The following IFI16 variants were observed in gnomAD, a reference collection of about 807,000 sequenced individuals.
IFI16 encodes interferon gamma inducible protein 16.
Under a neutral mutation model 68.4 loss-of-function variants are expected in IFI16, and 49 were observed. The observed-to-expected ratio is 0.72, with a 90% CI of 0.57 to 0.91. IFI16 has a LOEUF of 0.91. Among genes scored for constraint, IFI16 ranks in the 40% least tolerant of loss-of-function variants. IFI16 has a pLI of 0.00. For synonymous variants in IFI16, 307 were observed against 315.0 expected, an observed-to-expected ratio of 0.97 and a Z score of 0.27; for missense variants, 878 against 942.9, an observed-to-expected ratio of 0.93 and a Z score of 0.90.
chr1:159,029,337 A>G (rs1470556716), intron 6 of IFI16, among the ~76,000 whole-genome samples: 1 of 152,232 alleles, frequency 6.6e-6, no homozygotes, highest in Admixed American at 6.5e-5. Flanking sequence ...TCTAGCTTGT[A>G]GGATTTCTGT....
Position 159,051,776 on chromosome 1 carries a change from C to G in IFI16, c.1763C>G (p.Ser588Ter). The change falls in exon 10 of 12, where the codon TCA becomes TGA. Residue 588 changes from serine to a stop codon, truncating the protein, a stop_gained. Transcript: ENST00000295809. LOFTEE classifies it high-confidence loss of function. ...KEVMVLNATE[S>*]FVYEPKEQKK... Reference sequence around the variant, plus strand: ...GTGATGGTGCTGAACGCAACAGAATCATTTGTATATGAGCCCAAAGAGCAG... The same window carrying G: ...GTGATGGTGCTGAACGCAACAGAATGATTTGTATATGAGCCCAAAGAGCAG... 1 of 1,614,060 alleles carries G rather than the reference C, an allele frequency of 6.2e-7. No homozygotes were observed. The highest frequency in any genetic ancestry group is 8.5e-7 in the Non-Finnish European group (1 of 1,179,918).
At chr1:159,013,977 A>C (rs1159361858) in intron 1 of IFI16, among the ~76,000 whole-genome samples, 1 of 126,698 alleles carries the variant, frequency 7.9e-6, no homozygotes, top group African/African-American at 3.0e-5. Flanking sequence ...AAATAATTAG[A>C]CAAATCAAGT....
rs762178085 is a variant in IFI16, at chr1:159,051,918, T to G, written c.1905T>G (p.Tyr635Ter). Reference protein sequence around the residue: ...TPKKIIAIANYVCRNGFLEVY... With the variant: ...TPKKIIAIAN ...AGAAGATCATTGCCATAGCAAATTATGTTTGCCGCAATGGGTTCCTGGAGG... is the reference window on the plus strand; with the variant it reads ...AGAAGATCATTGCCATAGCAAATTAGGTTTGCCGCAATGGGTTCCTGGAGG... The change falls in exon 10 of 12, where the codon TAT becomes TAG. Residue 635 changes from tyrosine (Y) to a stop codon, truncating the protein, a stop_gained. Transcript: ENST00000295809. LOFTEE classifies it high-confidence loss of function. 5.6e-6 allele frequency: 9 copies of G among 1,614,128 alleles called. No homozygotes were observed. In the South Asian group the frequency reaches 9.9e-5, roughly 18 times the overall value.
chr1:159,022,451 T>C (rs1210255160), intron 6 of IFI16, among the ~76,000 whole-genome samples: 1 of 152,236 alleles, frequency 6.6e-6, no homozygotes, highest in Non-Finnish European at 1.5e-5. Context: ...GGCTCATTTA[T>C]AATCTGACGC....
intron 6 of IFI16, among the ~76,000 whole-genome samples, chr1:159,029,663 T>C (rs1230406662): frequency 1.3e-5 from 2 of 149,750 alleles, no homozygotes; most frequent in African/African-American, 2.4e-5. Context: ...CCCAAACTTC[T>C]TGGAGGCTTT....
intron 2 of IFI16, 47 bp downstream of exon 2, chr1:159,014,992 C>A (rs758134813): frequency 2.0e-6 from 3 of 1,515,152 alleles, no homozygotes; most frequent in Non-Finnish European, 2.7e-6. Context: ...ATCCCCAAAC[C>A]CTCCCCAACA....
At chr1:159,005,404 T>A (rs1440655510), upstream of IFI16, among the ~76,000 whole-genome samples, 1 of 152,208 alleles carries the variant, frequency 6.6e-6, no homozygotes, top group Non-Finnish European at 1.5e-5. Context: ...AACTCTGGCC[T>A]TGTACAGTAT....
At chr1:159,017,088 G>T (rs761315091) in intron 4 of IFI16, among the ~76,000 whole-genome samples, 1 of 152,166 alleles carries the variant, frequency 6.6e-6, no homozygotes, top group Non-Finnish European at 1.5e-5. Flanking sequence ...TCTTTTTCTT[G>T]TAGATTAAAC....
chr1:159,018,498 C>T lies in IFI16; in HGVS notation c.819C>T (p.Val273=). ...TGGAATATGATAGTCTCCTAGAGGT[C>T]AATGAAGAATCTACTGTATCTGAAG... The part of the protein sequence containing the change: ...DYLEYDSLLE[V]NEESTVSEAG... The change falls in exon 5 of 12, where the codon GTC becomes GTT. Residue 273 remains valine (V), a synonymous_variant. Coordinates refer to ENST00000295809, the MANE Select transcript of IFI16 (RefSeq NM_001376587.1). The T allele has an allele frequency of 6.2e-7, 1 of 1,613,904 alleles. No individual in the cohort carries two copies. The highest frequency in any genetic ancestry group is 8.5e-7 in the Non-Finnish European group (1 of 1,179,840).
chr1:159,048,334 TC>T (rs999854708), intron 8 of IFI16, among the ~76,000 whole-genome samples: 2 of 151,474 alleles, frequency 1.3e-5, no homozygotes, highest in African/African-American at 4.8e-5. Context: ...CTATGGCTAG[TC>T]CCACTTCACA....
intron 7 of IFI16, among the ~76,000 whole-genome samples, chr1:159,041,333 G>A (rs1422925933): frequency 1.3e-5 from 2 of 152,138 alleles, no homozygotes; most frequent in African/African-American, 2.4e-5. Context: ...CTGTGATTAC[G>A]ATTGAGAATC....
intron 7 of IFI16, among the ~76,000 whole-genome samples, chr1:159,035,568 C>T (rs1335611304): frequency 1.3e-5 from 2 of 152,182 alleles, no homozygotes; most frequent in East Asian, 1.9e-4. Context: ...AAACACACTA[C>T]GCAGCCATTT....
upstream of IFI16, among the ~76,000 whole-genome samples, chr1:159,008,572 A>C (rs1652357339): frequency 1.3e-5 from 2 of 152,186 alleles, no homozygotes; most frequent in Non-Finnish European, 2.9e-5. Context: ...CTGAAGGGTC[A>C]TAACTTCCAA....
chr1:159,030,617 CAA>C (rs1324012566), intron 6 of IFI16, among the ~76,000 whole-genome samples: 1 of 152,162 alleles, frequency 6.6e-6, no homozygotes, highest in Non-Finnish European at 1.5e-5. Flanking sequence ...GTAGTGTCTG[CAA>C]AGAGTCCTGT....
intron 6 of IFI16, among the ~76,000 whole-genome samples, chr1:159,022,166 G>A (rs1344906466): frequency 2.6e-5 from 4 of 151,752 alleles, no homozygotes; most frequent in African/African-American, 4.8e-5. Flanking sequence ...GGGTTTCACC[G>A]TGTTAGCCAG....
rs1378221847 is a variant in IFI16, at chr1:159,018,418, A to C, written c.739A>C (p.Thr247Pro). The C allele has an allele frequency of 6.2e-7, 1 of 1,613,860 alleles. No homozygotes were observed. Among genetic ancestry groups the C allele is most frequent in the East Asian group, 2.2e-5 (1 of 44,894 alleles). ...TQFFHVKVLN[T>P]SLKEKFNGKK... is the part of the protein sequence containing the mutation. ...GTTCTTCCATGTGAAGGTTTTAAAC[A>C]CCAGCTTGAAGGAGAAATTCAATGG... Residue 247 changes from threonine (T) to proline (P), a missense_variant, in exon 5 of 12, where the codon ACC (threonine) becomes CCC (proline). Around this residue, in one of 4 missense-constraint regions of IFI16, gnomAD observed 443 missense variants for 421.8 expected, o/e 1.05. Coordinates refer to ENST00000295809, the MANE Select transcript of IFI16 (RefSeq NM_001376587.1).
chr1:159,011,170 C>T (rs1335346085), intron 1 of IFI16, among the ~76,000 whole-genome samples: 2 of 152,058 alleles, frequency 1.3e-5, no homozygotes, highest in Non-Finnish European at 2.9e-5. Context: ...GATCACTTGA[C>T]GTCAGGAGTT....
intron 7 of IFI16, among the ~76,000 whole-genome samples, chr1:159,042,848 G>A (rs1459535776): frequency 6.6e-6 from 1 of 152,060 alleles, no homozygotes; most frequent in Non-Finnish European, 1.5e-5. Context: ...GTTCTGCCCT[G>A]ATATCACCCC....
At chr1:159,041,351 T>C (rs1300801613) in intron 7 of IFI16, among the ~76,000 whole-genome samples, 1 of 152,178 alleles carries the variant, frequency 6.6e-6, no homozygotes, top group East Asian at 1.9e-4. Context: ...ATCTTGACGA[T>C]TTCAGTTTGC....
Sources: allele counts gnomAD v4.1 joint callset (sites outside exome capture counted in the v4.1 genomes callset), GRCh38; gene constraint gnomAD v4.1.1; regional missense constraint gnomAD v4.1.1; transcripts MANE v1.5; gene names NCBI Gene and HGNC (gene_info 2026-07-23, HGNC 2026-07-21).